Variants in NPIPB2 observed in about 807,000 individuals in gnomAD.
NPIPB2 encodes the protein nuclear pore complex-interacting protein family member B2.
Under a neutral mutation model 30.8 loss-of-function variants are expected in NPIPB2, and 27 were observed. That is an observed-to-expected ratio of 0.88 (90% CI 0.65 to 1.21). The LOEUF is 1.21. NPIPB2 is among the 50% of genes most tolerant of loss of function. The pLI is 0.00. For missense variants in NPIPB2, 440 were observed against 446.2 expected (o/e 0.99, Z 0.13); for synonymous variants, 147 against 162.0 (o/e 0.91, Z 0.70).
chr16:11,934,260 A>ACACACACAC (rs1567465726), intron 2 of NPIPB2, among the ~76,000 whole-genome samples: 5 of 137,648 alleles, frequency 3.6e-5, no homozygotes, highest in African/African-American at 1.3e-4. Context: ...ACACACACAT[A>ACACACACAC]AGAATGACAT....
At chr16:11,951,619 T>G (rs56411410) in intron 1 of NPIPB2, among the ~76,000 whole-genome samples, 34,982 of 115,568 alleles carry the variant, frequency 0.3, 5,334 homozygotes, top group Non-Finnish European at 0.4. Flanking sequence ...ACACTGCACA[T>G]ACACATACAC....
upstream of NPIPB2, among the ~76,000 whole-genome samples, chr16:11,943,419 T>C (rs1181270697): frequency 2.0e-5 from 3 of 149,116 alleles, no homozygotes; most frequent in Non-Finnish European, 4.5e-5. Flanking sequence ...CAGCCCTAGA[T>C]TTGGCTGGGC....
intron 1 of NPIPB2, among the ~76,000 whole-genome samples, chr16:11,957,750 T>C (rs1361512052): frequency 6.6e-6 from 1 of 152,210 alleles, no homozygotes; most frequent in Admixed American, 6.6e-5. Flanking sequence ...TCTGAGTGTC[T>C]GGCCTGCCTG....
chr16:11,941,291 G>C (rs2150918692), intron 1 of NPIPB2: 1 of 1,420,688 alleles, frequency 7.0e-7, no homozygotes. Flanking sequence ...CAGAGGTGGA[G>C]GTGGCTTAGG....
intron 1 of NPIPB2, among the ~76,000 whole-genome samples, chr16:11,952,225 G>A (rs779226975): frequency 1.3e-5 from 2 of 151,096 alleles, no homozygotes; most frequent in Non-Finnish European, 2.9e-5. Context: ...GCGGGCGTCT[G>A]TAGTCCCAGC....
intron 1 of NPIPB2, among the ~76,000 whole-genome samples, chr16:11,964,278 T>A (rs2150938824): frequency 6.6e-6 from 1 of 152,236 alleles, no homozygotes; most frequent in Non-Finnish European, 1.5e-5. Flanking sequence ...GGAACATAGA[T>A]TATTGTATTA....
intron 4 of NPIPB2, among the ~76,000 whole-genome samples, chr16:11,932,501 G>A (rs2054803130): frequency 6.6e-6 from 1 of 151,910 alleles, no homozygotes; most frequent in Admixed American, 6.6e-5. Flanking sequence ...AATTGGGCTG[G>A]GAACGGTGGC....
At chr16:11,932,775 CAAAAAAAAAAAAAAA>C (rs71230716) in intron 4 of NPIPB2, among the ~76,000 whole-genome samples, 4 of 4,934 alleles carry the variant, frequency 8.1e-4, no homozygotes, top group East Asian at 0.014. Flanking sequence ...GACTCTGTCT[CAAAAAAAAAAAAAAA>C]AAAAAAAAAA....
chr16:11,967,826 G>T (rs199882446), intron 1 of NPIPB2: 10 of 1,613,814 alleles, frequency 6.2e-6, no homozygotes, highest in Non-Finnish European at 7.6e-6. Flanking sequence ...CGGAGATAGA[G>T]AAATCAATTT....
chr16:11,974,203 C>T (rs142512960), intron 1 of NPIPB2, among the ~76,000 whole-genome samples: 109 of 152,254 alleles, frequency 7.2e-4, no homozygotes, highest in African/African-American at 2.5e-3. Context: ...TAAGCCCCAA[C>T]GCCACTTTTT....
chr16:11,958,145 G>T (rs950065167), intron 1 of NPIPB2, among the ~76,000 whole-genome samples: 1 of 152,162 alleles, frequency 6.6e-6, no homozygotes. Flanking sequence ...GAAAATGCTG[G>T]CTGGGTGCGG....
In NPIPB2 at chr16:11,976,566, A is replaced by G. The variant is rs900002339; in HGVS notation, c.-584+2T>C. ...CGCCTCCTCGCGGGGTCTCGGGTTTACCCTGAGTCTCCAGCCCGCGTAGCC... is the reference window on the plus strand; with the variant it reads ...CGCCTCCTCGCGGGGTCTCGGGTTTGCCCTGAGTCTCCAGCCCGCGTAGCC... On this transcript the variant is annotated splice_donor_variant, in intron 1 of 5. Coordinates refer to the NPIPB2 transcript ENST00000538896. LOFTEE classifies it low-confidence loss of function (5UTR_SPLICE). 1.7e-5 allele frequency: 6 copies of G among 359,480 alleles called. No homozygotes were observed. The highest frequency in any genetic ancestry group is 2.5e-5 in the Non-Finnish European group (5 of 201,194). 22.3% of individuals were successfully genotyped at this position (359,480 alleles called of 1,614,324 possible).
intron 1 of NPIPB2, among the ~76,000 whole-genome samples, chr16:11,954,903 G>A (rs1392572156): frequency 1.9e-5 from 1 of 53,746 alleles, no homozygotes; most frequent in Non-Finnish European, 4.9e-5. Flanking sequence ...GCAAGACTCT[G>A]TCTCAAAAAA....
rs74008646 is a variant in NPIPB2, at chr16:11,967,963, C to G, written c.-584+8605G>C. The G allele has an allele frequency of 5.4e-4, 641 of 1,186,272 alleles. 1 individual carries two copies. The African/African-American group carries it at 8.8e-3, about 16-fold the overall frequency. The allele number at this position is 1,186,272 out of a possible 1,614,324, so 73.5% of individuals were successfully genotyped here. On this transcript the variant is annotated intron_variant, in intron 1 of 5. Coordinates refer to the NPIPB2 transcript ENST00000538896. ...AGTTGCCGATACAGCTTTTTGTCCTCTAACTGTGGAAACTCTTTATGTTAG... is the reference window on the plus strand; with the variant it reads ...AGTTGCCGATACAGCTTTTTGTCCTGTAACTGTGGAAACTCTTTATGTTAG...
At chr16:11,945,024 A>G (rs1488010004), upstream of NPIPB2, among the ~76,000 whole-genome samples, 1 of 147,312 alleles carries the variant, frequency 6.8e-6, no homozygotes, top group African/African-American at 2.5e-5. Flanking sequence ...ACTAAAAATA[A>G]AAAAAAAAAA....
rs1241795152 is a variant in NPIPB2 at position 11,968,857 on chromosome 16, TTC to T, written c.-584+7709_-584+7710del. 8.0e-5 allele frequency: 12 copies of T among 150,410 alleles called. No individual in the cohort carries two copies. The East Asian group carries it at 2.3e-3, about 29-fold the overall frequency. 9.3% of individuals were successfully genotyped at this position (150,410 alleles called of 1,614,324 possible). On this transcript the variant is annotated intron_variant, in intron 1 of 5. Coordinates refer to the NPIPB2 transcript ENST00000538896. Reference sequence around the variant, plus strand: ...CATTCTGTAGATCTCAGTAACCAATTTCTTTTTCTTTTCTTTTTTTTTTTTTT... The same window carrying T: ...CATTCTGTAGATCTCAGTAACCAATTTTTTTCTTTTCTTTTTTTTTTTTTT...
chr16:11,952,881 CTTT>C (rs1214596991), intron 1 of NPIPB2, among the ~76,000 whole-genome samples: 1 of 151,938 alleles, frequency 6.6e-6, no homozygotes, highest in Non-Finnish European at 1.5e-5. Context: ...CGCCATCTTT[CTTT>C]GTTAGAACAT....
exon 1 of NPIPB2, chr16:11,941,992 G>C: frequency 8.4e-7 from 1 of 1,194,442 alleles, no homozygotes; most frequent in Non-Finnish European, 1.2e-6. Context: ...CCCAAGCAGA[G>C]TGCCAGGTTT....
intron 1 of NPIPB2, chr16:11,966,438 G>C (rs531066231): frequency 2.2e-5 from 28 of 1,250,268 alleles, no homozygotes; most frequent in African/African-American, 3.1e-5. Flanking sequence ...ATTTCACTTC[G>C]TTACAGCCCT....
Sources: gnomAD v4.1 joint callset for allele counts (sites outside exome capture counted in the v4.1 genomes callset) on GRCh38, gnomAD v4.1.1 for gene constraint, MANE v1.5 for transcripts, NCBI Gene and HGNC (gene_info 2026-07-23, HGNC 2026-07-21) for gene names.